Variants in SYT9 observed in about 807,000 individuals in gnomAD.
The protein encoded by SYT9 is synaptotagmin-9.
SYT9 carries 22 observed loss-of-function variants against 48.4 expected under a neutral mutation model. The observed-to-expected ratio is 0.45, with a 90% CI of 0.32 to 0.65. The LOEUF (loss-of-function observed/expected upper bound fraction) is 0.65, where lower values mean the gene tolerates loss of function less well. SYT9 is among the 30% of genes least tolerant of loss of function. The pLI is 0.03. For missense variants in SYT9, 577 were observed against 622.0 expected (o/e 0.93, Z 0.77); for synonymous variants, 265 against 245.0 (o/e 1.08, Z -0.76).
intron 2 of SYT9, among the ~76,000 whole-genome samples, chr11:7,307,595 C>A (rs1158432982): frequency 1.3e-5 from 2 of 152,154 alleles, no homozygotes; most frequent in African/African-American, 2.4e-5. Context: ...AAATATATAA[C>A]CATGCCCACA....
At chr11:7,302,199 G>T (rs1199545650) in intron 1 of SYT9, among the ~76,000 whole-genome samples, 3 of 152,172 alleles carry the variant, frequency 2.0e-5, no homozygotes, top group East Asian at 1.9e-4. Context: ...TAACTAAAGA[G>T]AGCTAATGTG....
In SYT9 at chr11:7,303,271, C is replaced by T; in HGVS notation, c.378C>T (p.Ser126=). ...LDPPTPCPDS[S]MKISHTSPDI... ...CTCCCACGCCCTGCCCTGACTCCTCCATGAAGATCAGCCACACCTCCCCTG... is the reference window on the plus strand; with the variant it reads ...CTCCCACGCCCTGCCCTGACTCCTCTATGAAGATCAGCCACACCTCCCCTG... The change falls in exon 2 of 7, where the codon TCC becomes TCT. Residue 126 remains serine, a synonymous_variant. Transcript: ENST00000318881. 6.2e-7 allele frequency: 1 copy of T among 1,613,890 alleles called. No individual in the cohort carries two copies. The highest frequency in any genetic ancestry group is 8.5e-7 in the Non-Finnish European group (1 of 1,179,810).
At chr11:7,270,350 A>G (rs1021499285) in intron 1 of SYT9, among the ~76,000 whole-genome samples, 2 of 152,200 alleles carry the variant, frequency 1.3e-5, no homozygotes, top group Non-Finnish European at 2.9e-5. Flanking sequence ...TTTAGGACAG[A>G]TTCAGCTAGA....
intron 3 of SYT9, among the ~76,000 whole-genome samples, chr11:7,318,605 C>T (rs1316293748): frequency 2.6e-5 from 4 of 152,296 alleles, no homozygotes; most frequent in East Asian, 3.9e-4. Context: ...TGAGCCACCG[C>T]GCCCAGCCTT....
intron 6 of SYT9, among the ~76,000 whole-genome samples, chr11:7,449,528 AG>A (rs1848004762): frequency 6.6e-6 from 1 of 152,044 alleles, no homozygotes; most frequent in Non-Finnish European, 1.5e-5. Context: ...TTAAGGATGT[AG>A]GGGAGGTAGG....
intron 3 of SYT9, among the ~76,000 whole-genome samples, chr11:7,345,569 G>A (rs1027504249): frequency 2.6e-5 from 4 of 152,154 alleles, no homozygotes; most frequent in African/African-American, 9.7e-5. Context: ...ACTGAGATGG[G>A]AAATATTAGG....
intron 1 of SYT9, among the ~76,000 whole-genome samples, chr11:7,275,659 T>G (rs1451384059): frequency 6.6e-6 from 1 of 152,198 alleles, no homozygotes; most frequent in Non-Finnish European, 1.5e-5. Context: ...CAGCCCAGAC[T>G]GCTGAAGTTC....
At chr11:7,254,195 C>T (rs540328042) in intron 1 of SYT9, among the ~76,000 whole-genome samples, 1 of 152,286 alleles carries the variant, frequency 6.6e-6, no homozygotes, top group South Asian at 2.1e-4. Context: ...GTCGACCTTG[C>T]TGCTCTGAGT....
intron 3 of SYT9, among the ~76,000 whole-genome samples, chr11:7,391,752 A>C (rs1429475464): frequency 4.1e-5 from 6 of 146,388 alleles, no homozygotes; most frequent in African/African-American, 7.5e-5. Flanking sequence ...AAAAAAAAAA[A>C]AAAAAAAAAA....
intron 3 of SYT9, among the ~76,000 whole-genome samples, chr11:7,392,803 A>T (rs1471303602): frequency 1.3e-5 from 2 of 152,108 alleles, no homozygotes; most frequent in African/African-American, 4.8e-5. Context: ...TTCTTCTTGC[A>T]GAGATTTTTC....
intron 1 of SYT9, among the ~76,000 whole-genome samples, chr11:7,270,357 T>C (rs1374125696): frequency 1.3e-5 from 2 of 152,186 alleles, no homozygotes; most frequent in Non-Finnish European, 2.9e-5. Context: ...CAGATTCAGC[T>C]AGATTACCTG....
At chr11:7,280,346 T>A (rs756546254) in intron 1 of SYT9, among the ~76,000 whole-genome samples, 1 of 152,244 alleles carries the variant, frequency 6.6e-6, no homozygotes, top group South Asian at 2.1e-4. Context: ...TATGAACAAG[T>A]AAGAGGAAAG....
At chr11:7,266,622 T>C (rs1848188652) in intron 1 of SYT9, among the ~76,000 whole-genome samples, 1 of 152,168 alleles carries the variant, frequency 6.6e-6, no homozygotes, top group Non-Finnish European at 1.5e-5. Flanking sequence ...AATTTTTGTA[T>C]TATCTTATGC....
intron 2 of SYT9, among the ~76,000 whole-genome samples, chr11:7,307,427 G>A (rs772252444): frequency 6.6e-6 from 1 of 152,136 alleles, no homozygotes; most frequent in African/African-American, 2.4e-5. Flanking sequence ...CAACTTCCAC[G>A]AGACCCCGAA....
At chr11:7,349,113 T>A (rs1382249834) in intron 3 of SYT9, among the ~76,000 whole-genome samples, 3 of 151,958 alleles carry the variant, frequency 2.0e-5, no homozygotes, top group Non-Finnish European at 4.4e-5. Context: ...ATAGGAGATT[T>A]CAAGTGGGCT....
intron 3 of SYT9, among the ~76,000 whole-genome samples, chr11:7,328,122 A>C (rs770991677): frequency 4.3e-4 from 65 of 151,586 alleles, no homozygotes; most frequent in Non-Finnish European, 8.1e-4. Context: ...TTTTTCTTTT[A>C]GTTTTGTCTT....
intron 3 of SYT9, among the ~76,000 whole-genome samples, chr11:7,332,211 G>A (rs191940607): frequency 8.1e-4 from 123 of 152,308 alleles, no homozygotes; most frequent in African/African-American, 2.7e-3. Flanking sequence ...GCTCTGGAGC[G>A]TGAAGAGCAC....
At chr11:7,283,122 C>G (rs1848531635) in intron 1 of SYT9, among the ~76,000 whole-genome samples, 1 of 145,556 alleles carries the variant, frequency 6.9e-6, no homozygotes, top group African/African-American at 2.6e-5. Context: ...GGTTTACCAA[C>G]TTTAGATTAT....
chr11:7,395,779 GT>G (rs11342570), intron 3 of SYT9, among the ~76,000 whole-genome samples: 22,087 of 151,398 alleles, frequency 0.15, 2,219 homozygotes, highest in African/African-American at 0.29. Flanking sequence ...AGTGGCTTTT[GT>G]TTTTTTTATT....
Sources: gnomAD v4.1 joint callset for allele counts (sites outside exome capture counted in the v4.1 genomes callset) on GRCh38, gnomAD v4.1.1 for gene constraint, MANE v1.5 for transcripts, NCBI Gene and HGNC (gene_info 2026-07-23, HGNC 2026-07-21) for gene names.